TECPR2: variants seen among roughly 807,000 people sequenced by gnomAD.
TECPR2 encodes the protein tectonin beta-propeller repeat containing 2.
A neutral mutation model predicts 138.1 loss-of-function variants in TECPR2; 65 were observed. That is an observed-to-expected ratio of 0.47 (90% CI 0.39 to 0.58). The LOEUF (loss-of-function observed/expected upper bound fraction) is 0.58, where lower values mean the gene tolerates loss of function less well. TECPR2 is among the 20% of genes least tolerant of loss of function. The probability of loss-of-function intolerance (pLI) is 0.00; values close to 1 mark genes in which losing one functional copy is unlikely to be tolerated. For synonymous variants in TECPR2, 746 were observed against 749.8 expected (o/e 0.99, Z 0.08); for missense variants, 1,553 against 1,824.5 (o/e 0.85, Z 2.71).
intron 2 of TECPR2, among the ~76,000 whole-genome samples, chr14:102,401,073 T>A (rs1285621655): frequency 1.3e-5 from 2 of 151,872 alleles, no homozygotes; most frequent in African/African-American, 4.8e-5. Context: ...TCCCTGTTTA[T>A]TGGTTAATTA....
intron 1 of TECPR2, among the ~76,000 whole-genome samples, chr14:102,373,322 A>T (rs1179199034): frequency 2.0e-5 from 3 of 152,204 alleles, no homozygotes; most frequent in Non-Finnish European, 4.4e-5. Flanking sequence ...AGCGAAAACG[A>T]TACCATTCAG....
chr14:102,431,075 G>A (rs1286709434), intron 7 of TECPR2, among the ~76,000 whole-genome samples: 2 of 142,100 alleles, frequency 1.4e-5, no homozygotes, highest in Non-Finnish European at 3.0e-5. Context: ...GCAGGCTGGA[G>A]TGCAGTGGCA....
intron 12 of TECPR2, among the ~76,000 whole-genome samples, chr14:102,445,087 T>G (rs527976538): frequency 3.4e-4 from 51 of 152,192 alleles, no homozygotes; most frequent in Non-Finnish European, 6.3e-4. Context: ...TGGACACCCA[T>G]TAGCACAGAT....
At chr14:102,424,919 C>T (rs1221499416) in intron 5 of TECPR2, 60 bp from the exon 6 acceptor site, 4 of 1,478,944 alleles carry the variant, frequency 2.7e-6, no homozygotes, top group Non-Finnish European at 3.7e-6. Context: ...TTGACAACTG[C>T]ATTACTTTAA....
rs139068172 is a variant in TECPR2, at chr14:102,444,968, G to GCAA, written c.2934-828_2934-826dup. ...TCAAAAAACAGACAGACAAAAAAAA[G>GCAA]CAACAACAACAAAAAGCCAGAATGG... On this transcript the variant is annotated intron_variant, in intron 12 of 19. Coordinates refer to ENST00000359520, the MANE Select transcript of TECPR2 (RefSeq NM_014844.5). 8.0e-3 allele frequency among the ~76,000 whole-genome samples: 1,220 copies of GCAA among 152,268 alleles called. 11 individuals carry two copies. Among genetic ancestry groups the GCAA allele is most frequent in the Middle Eastern group, 0.041 (12 of 294 alleles).
intron 7 of TECPR2, among the ~76,000 whole-genome samples, 169 bp downstream of exon 7, chr14:102,428,551 A>G (rs1035576455): frequency 7.2e-5 from 11 of 151,856 alleles, no homozygotes; most frequent in African/African-American, 2.4e-4. Flanking sequence ...GCTTAAGCTC[A>G]GGACTTTAAG....
intron 4 of TECPR2, among the ~76,000 whole-genome samples, chr14:102,412,752 A>G (rs1888917883): frequency 6.6e-6 from 1 of 152,172 alleles, no homozygotes; most frequent in South Asian, 2.1e-4. Flanking sequence ...TTTCCTTGAG[A>G]GAACCACTGA....
At position 102,441,645 on chromosome 14, in the gene TECPR2, G is replaced by A. The variant is rs188525272; in HGVS notation, c.2752+1036G>A. Reference sequence around the variant, plus strand: ...GCAGAGCTTGCAGTGAGCTGAGATCGCGCCACTGCACTCTCCAGCCTGGTG... The same window carrying A: ...GCAGAGCTTGCAGTGAGCTGAGATCACGCCACTGCACTCTCCAGCCTGGTG... On this transcript the variant is annotated intron_variant, in intron 11 of 19. Transcript: ENST00000359520. 1.5e-4 allele frequency among the ~76,000 whole-genome samples: 23 copies of A among 152,112 alleles called. No homozygotes were observed. In the South Asian group the frequency reaches 3.3e-3, roughly 22 times the overall value.
At chr14:102,413,442 C>T (rs899154787) in intron 4 of TECPR2, among the ~76,000 whole-genome samples, 4 of 150,086 alleles carry the variant, frequency 2.7e-5, no homozygotes, top group African/African-American at 9.8e-5. Context: ...TGCAGTGGTG[C>T]GATCTTGGCT....
intron 16 of TECPR2, among the ~76,000 whole-genome samples, chr14:102,452,843 G>C (rs1167418371): frequency 6.6e-6 from 1 of 152,220 alleles, no homozygotes; most frequent in African/African-American, 2.4e-5. Flanking sequence ...AGAGTTTGCA[G>C]GGCTGTCAGA....
chr14:102,377,631 G>A (rs933667547), intron 2 of TECPR2, among the ~76,000 whole-genome samples: 5 of 152,096 alleles, frequency 3.3e-5, no homozygotes, highest in African/African-American at 1.2e-4. Flanking sequence ...GCTTGAACCT[G>A]GGAGATGGAG....
chr14:102,406,345 G>A (rs745696489), intron 2 of TECPR2, among the ~76,000 whole-genome samples: 4 of 150,986 alleles, frequency 2.6e-5, no homozygotes, highest in African/African-American at 4.9e-5. Flanking sequence ...TCAGGAGATC[G>A]AGACCATCCT....
At position 102,501,527 on chromosome 14, in the gene TECPR2, G is replaced by A. The variant is rs1891435589; in HGVS notation, c.*3270G>A. On this transcript the variant is annotated 3_prime_UTR_variant, in exon 20 of 20. Coordinates refer to ENST00000359520, the MANE Select transcript of TECPR2 (RefSeq NM_014844.5). ...ACTGCACTCCAGCCTCGGCGACAGA[G>A]CAAGACCTTGTTTCTCAAAAATAAA... 1 of 152,110 alleles carries A rather than the reference G, an allele frequency of 6.6e-6. No homozygotes were observed. The highest frequency in any genetic ancestry group is 6.6e-5 in the Admixed American group (1 of 15,256). 9.4% of individuals were successfully genotyped at this position (152,110 alleles called of 1,614,324 possible).
At position 102,434,465 on chromosome 14, in the gene TECPR2, C is replaced by G; in HGVS notation, c.1648C>G (p.Leu550Val). The change falls in exon 9 of 20, where the codon CTG becomes GTG. Residue 550 changes from leucine to valine, a missense_variant. Leu to Val is a conservative substitution (Grantham distance 32). Transcript: ENST00000359520. Reference protein sequence around the residue: ...ENTDPETFNVLEVSGSMPDSL... With the variant: ...ENTDPETFNVVEVSGSMPDSL... ...TACTGACCCCGAAACGTTTAATGTC[C>G]TGGAGGTGTCAGGATCAATGCCTGA... 1 of 1,552,280 alleles carries G rather than the reference C, an allele frequency of 6.4e-7. No individual in the cohort carries two copies.
At chr14:102,368,878 TG>T (rs1237750604) in intron 1 of TECPR2, among the ~76,000 whole-genome samples, 1 of 152,180 alleles carries the variant, frequency 6.6e-6, no homozygotes, top group African/African-American at 2.4e-5. Context: ...GCTGATGGAC[TG>T]AGTTGAGAGA....
chr14:102,481,007 G>C (rs1326936191), intron 17 of TECPR2, among the ~76,000 whole-genome samples: 1 of 150,006 alleles, frequency 6.7e-6, no homozygotes, highest in Non-Finnish European at 1.5e-5. Flanking sequence ...ACCACGCCTG[G>C]CTAATTTTTT....
intron 2 of TECPR2, among the ~76,000 whole-genome samples, chr14:102,398,010 TTGCACTGAGCCAAGATCGTGCCAC>T (rs1172046774): frequency 2.3e-5 from 3 of 131,770 alleles, no homozygotes; most frequent in Non-Finnish European, 4.9e-5. Context: ...GAGATGGAGG[TTGCACTGAGCCAAGATCGTGCCAC>T]TGCACTCCAG....
chr14:102,417,472 G>A (rs371838125), intron 5 of TECPR2, among the ~76,000 whole-genome samples: 35 of 152,216 alleles, frequency 2.3e-4, no homozygotes, highest in African/African-American at 7.7e-4. Flanking sequence ...CTGTAAAGGA[G>A]CGGGCTAGGT....
intron 2 of TECPR2, among the ~76,000 whole-genome samples, chr14:102,385,370 A>G (rs1369772480): frequency 1.3e-5 from 2 of 152,114 alleles, no homozygotes; most frequent in African/African-American, 2.4e-5. Flanking sequence ...CAGCACTGCC[A>G]CTTTGGGGAT....
Sources: gnomAD v4.1 joint callset for allele counts (sites outside exome capture counted in the v4.1 genomes callset) on GRCh38, gnomAD v4.1.1 for gene constraint, MANE v1.5 for transcripts, NCBI Gene and HGNC (gene_info 2026-07-23, HGNC 2026-07-21) for gene names.